DIPK1A: variants seen among roughly 807,000 people sequenced by gnomAD.
The protein encoded by DIPK1A is divergent protein kinase domain 1A, also known as family with sequence similarity 69 member A.
Under a neutral mutation model 40.8 loss-of-function variants are expected in DIPK1A, and 27 were observed. The ratio of observed to expected loss-of-function variants is 0.66; its 90% CI spans 0.49 to 0.91. The LOEUF is 0.91. Ranked by LOEUF, DIPK1A falls within the 40% of genes least tolerant of loss-of-function variation. The pLI, the probability that DIPK1A is intolerant of heterozygous loss-of-function variation, is 0.00. For missense variants in DIPK1A, 412 were observed against 505.7 expected (o/e 0.81, Z 1.78); for synonymous variants, 166 against 171.3 (o/e 0.97, Z 0.24).
At chr1:92,840,747 A>T, downstream of DIPK1A, 1 of 851,420 alleles carries the variant, frequency 1.2e-6, no homozygotes, top group Non-Finnish European at 2.0e-6. Context: ...GCTCTGCGTG[A>T]TGTGGCAGAA....
At chr1:92,939,091 G>A (rs557263841) in intron 1 of DIPK1A, among the ~76,000 whole-genome samples, 6 of 151,944 alleles carry the variant, frequency 3.9e-5, no homozygotes, top group South Asian at 2.1e-4. Context: ...TAGCAGAGAC[G>A]GGGCTTCACC....
chr1:92,908,566 G>A (rs1301153423), intron 1 of DIPK1A, among the ~76,000 whole-genome samples: 5 of 152,150 alleles, frequency 3.3e-5, no homozygotes, highest in Non-Finnish European at 5.9e-5. Flanking sequence ...ACTGGAGTAG[G>A]CTGAAGAGTA....
At chr1:92,908,427 T>C (rs1381456646) in intron 1 of DIPK1A, among the ~76,000 whole-genome samples, 1 of 152,138 alleles carries the variant, frequency 6.6e-6, no homozygotes, top group Non-Finnish European at 1.5e-5. Flanking sequence ...ACAGAAATCA[T>C]GGAAAGGATT....
chr1:92,832,749 A>G, exon 5 of DIPK1A: 1 of 450,488 alleles, frequency 2.2e-6, no homozygotes, highest in East Asian at 3.7e-5. Context: ...TTATTGGGGT[A>G]GGGCCCCAAG....
At chr1:92,832,991 G>C in exon 5 of DIPK1A, 1 of 735,282 alleles carries the variant, frequency 1.4e-6, no homozygotes, top group Non-Finnish European at 2.5e-6. Context: ...TTGCTGTCTG[G>C]AGCAGTGCTT....
At chr1:92,897,964 T>G (rs974859554) in intron 1 of DIPK1A, among the ~76,000 whole-genome samples, 1 of 152,126 alleles carries the variant, frequency 6.6e-6, no homozygotes, top group Non-Finnish European at 1.5e-5. Flanking sequence ...CCATGCGTGG[T>G]GGCGTGCACC....
chr1:92,908,764 A>C (rs1001972701), intron 1 of DIPK1A, among the ~76,000 whole-genome samples: 14 of 152,192 alleles, frequency 9.2e-5, no homozygotes, highest in African/African-American at 3.4e-4. Flanking sequence ...AAGGTTCCTG[A>C]GAGGTTGGAA....
chr1:92,961,303 G>T, intron 1 of DIPK1A, 73 bp downstream of exon 1: 1 of 1,172,744 alleles, frequency 8.5e-7, no homozygotes, highest in Non-Finnish European at 1.2e-6. Flanking sequence ...GGGAGCGGGC[G>T]AGTCCTGCGC....
chr1:92,910,249 T>A (rs1165226781), intron 1 of DIPK1A, among the ~76,000 whole-genome samples: 1 of 152,206 alleles, frequency 6.6e-6, no homozygotes, highest in Non-Finnish European at 1.5e-5. Context: ...CAAGTATGAT[T>A]TATTGTTCAT....
chr1:92,945,610 A>G (rs1651329686), intron 1 of DIPK1A, among the ~76,000 whole-genome samples: 1 of 152,262 alleles, frequency 6.6e-6, no homozygotes, highest in African/African-American at 2.4e-5. Context: ...CATAAACTTC[A>G]GGATCCTAAG....
At chr1:92,867,335 T>TGGGC (rs1453731142) in intron 2 of DIPK1A, among the ~76,000 whole-genome samples, 2 of 151,724 alleles carry the variant, frequency 1.3e-5, no homozygotes. Context: ...ATTACAGGCA[T>TGGGC]GGGCCACTGC....
chr1:92,841,424 GC>G (rs1386170644), downstream of DIPK1A, among the ~76,000 whole-genome samples: 4 of 152,084 alleles, frequency 2.6e-5, no homozygotes, highest in Non-Finnish European at 5.9e-5. Context: ...TTTATCTGTT[GC>G]TATTAATATA....
At chr1:92,871,937 T>C (rs2481710) in intron 2 of DIPK1A, among the ~76,000 whole-genome samples, 99,213 of 151,954 alleles carry the variant, frequency 0.65, 32,858 homozygotes, top group East Asian at 0.95. Context: ...TGTGCCAGAA[T>C]CCATTTGAAA....
At chr1:92,933,154 A>G (rs1162166244) in intron 1 of DIPK1A, 1 of 152,218 alleles carries the variant, frequency 6.6e-6, no homozygotes, top group Non-Finnish European at 1.5e-5. Context: ...AAGAAAAGGA[A>G]CAGAAAAACA....
chr1:92,956,609 A>C (rs1422213897), intron 1 of DIPK1A, among the ~76,000 whole-genome samples: 5 of 152,220 alleles, frequency 3.3e-5, no homozygotes, highest in Non-Finnish European at 7.3e-5. Context: ...GTATTTGGCA[A>C]CATTACTACT....
intron 2 of DIPK1A, among the ~76,000 whole-genome samples, chr1:92,869,218 G>A (rs1266587696): frequency 4.6e-5 from 7 of 151,768 alleles, no homozygotes; most frequent in Non-Finnish European, 7.4e-5. Context: ...CTGGAGTGTA[G>A]TGGTGCTATC....
intron 1 of DIPK1A, among the ~76,000 whole-genome samples, chr1:92,890,927 C>T (rs905993135): frequency 6.6e-6 from 1 of 152,054 alleles, no homozygotes. Flanking sequence ...TGCAGTGGAG[C>T]CATTGGGTCC....
intron 1 of DIPK1A, among the ~76,000 whole-genome samples, chr1:92,880,855 G>A (rs1316378331): frequency 6.6e-6 from 1 of 150,382 alleles, no homozygotes; most frequent in Non-Finnish European, 1.5e-5. Flanking sequence ...GGGCAACAGA[G>A]CGAGACTCCG....
intron 1 of DIPK1A, among the ~76,000 whole-genome samples, chr1:92,954,942 C>A (rs1212811048): frequency 6.6e-6 from 1 of 152,102 alleles, no homozygotes. Flanking sequence ...AACTAAGATG[C>A]CCTTCAGTAA....
Sources: allele counts gnomAD v4.1 joint callset (sites outside exome capture counted in the v4.1 genomes callset), GRCh38; gene constraint gnomAD v4.1.1; transcripts MANE v1.5; gene names NCBI Gene and HGNC (gene_info 2026-07-23, HGNC 2026-07-21).